MEPE: variants seen among roughly 807,000 people sequenced by gnomAD.
MEPE encodes the protein matrix, extracellular phosphoglycoprotein with ASARM motif (bone).
In MEPE, 7 loss-of-function variants were observed where a neutral mutation model predicts 7.3. The ratio of observed to expected loss-of-function variants is 0.95; its 90% CI spans 0.54 to 1.79. The LOEUF is 1.79. Among genes scored for constraint, MEPE ranks in the 40% most tolerant of loss-of-function variants. MEPE has a pLI of 0.00. For synonymous variants in MEPE, 214 were observed against 213.1 expected (o/e 1.00, Z -0.04); for missense variants, 623 against 628.2 (o/e 0.99, Z 0.09).
chr4:87,844,854 C>T, intron 3 of MEPE, 123 bp from the exon 4 acceptor site: 1 of 754,832 alleles, frequency 1.3e-6, no homozygotes, highest in Non-Finnish European at 2.0e-6. Context: ...CAGTAAACCT[C>T]TATTGAGTTA....
At chr4:87,831,882 A>G (rs187533350), upstream of MEPE, among the ~76,000 whole-genome samples, 93 of 152,164 alleles carry the variant, frequency 6.1e-4, no homozygotes, top group African/African-American at 2.2e-3. Flanking sequence ...AGACAGTCAT[A>G]TGGCTGCAGG....
chr4:87,841,404 T>C (rs1022557395), intron 3 of MEPE, among the ~76,000 whole-genome samples: 1 of 152,188 alleles, frequency 6.6e-6, no homozygotes. Context: ...TTTTTTCTTA[T>C]GGCAAAATCG....
upstream of MEPE, among the ~76,000 whole-genome samples, chr4:87,829,831 T>G (rs1722554855): frequency 6.6e-6 from 1 of 150,956 alleles, no homozygotes; most frequent in East Asian, 1.9e-4. Context: ...TGACTTCCAT[T>G]CCCTTGTTAG....
intron 1 of MEPE, among the ~76,000 whole-genome samples, chr4:87,833,893 T>A (rs954903704): frequency 4.6e-5 from 7 of 152,224 alleles, no homozygotes; most frequent in African/African-American, 1.7e-4. Flanking sequence ...GAATAGAAAG[T>A]TATTTAAGGT....
upstream of MEPE, among the ~76,000 whole-genome samples, chr4:87,832,094 G>GT (rs1284600584): frequency 6.6e-6 from 1 of 151,848 alleles, no homozygotes; most frequent in African/African-American, 2.4e-5. Context: ...GACAAATGCT[G>GT]TGTCTTCACA....
At chr4:87,828,270 T>G (rs1722520675), upstream of MEPE, among the ~76,000 whole-genome samples, 1 of 152,170 alleles carries the variant, frequency 6.6e-6, no homozygotes, top group Non-Finnish European at 1.5e-5. Context: ...TACTGTATAT[T>G]TGTAATGTAT....
At chr4:87,823,972 A>C (rs1432650777) in intron 1 of MEPE, among the ~76,000 whole-genome samples, 1 of 152,182 alleles carries the variant, frequency 6.6e-6, no homozygotes, top group East Asian at 1.9e-4. Flanking sequence ...TGAAGAATAA[A>C]GGTTCTCATG....
At chr4:87,841,023 T>G (rs1361869970) in intron 3 of MEPE, among the ~76,000 whole-genome samples, 1 of 152,338 alleles carries the variant, frequency 6.6e-6, no homozygotes, top group Non-Finnish European at 1.5e-5. Context: ...ATAGCCATCA[T>G]ATACCACAGG....
intron 2 of MEPE, among the ~76,000 whole-genome samples, chr4:87,837,354 C>CT (rs1446466115): frequency 1.3e-5 from 2 of 151,568 alleles, no homozygotes; most frequent in African/African-American, 4.9e-5. Context: ...CTCCTTCCCC[C>CT]CCTCCAGACT....
At chr4:87,840,251 T>C (rs1260281687) in intron 3 of MEPE, among the ~76,000 whole-genome samples, 1 of 152,334 alleles carries the variant, frequency 6.6e-6, no homozygotes, top group Admixed American at 6.5e-5. Context: ...TCCATCTGTG[T>C]TGGGTTGCTC....
chr4:87,822,256 G>C (rs987239578), intron 1 of MEPE, among the ~76,000 whole-genome samples: 1 of 152,136 alleles, frequency 6.6e-6, no homozygotes, highest in East Asian at 1.9e-4. Context: ...CTAGTGGGAA[G>C]CCCAATCACC....
intron 1 of MEPE, among the ~76,000 whole-genome samples, chr4:87,826,401 TTTTG>T (rs1722472385): frequency 1.3e-5 from 2 of 151,944 alleles, no homozygotes; most frequent in African/African-American, 4.8e-5. Flanking sequence ...TGTTTTTGTT[TTTTG>T]TTTTTGTTTT....
chr4:87,825,781 G>C (rs2109988289), intron 1 of MEPE, among the ~76,000 whole-genome samples: 1 of 152,242 alleles, frequency 6.6e-6, no homozygotes, highest in African/African-American at 2.4e-5. Flanking sequence ...GTGATTTACT[G>C]CACAGTACCT....
At chr4:87,834,533 C>T (rs1472608026) in intron 1 of MEPE, among the ~76,000 whole-genome samples, 170 bp from the exon 2 acceptor site, 3 of 152,036 alleles carry the variant, frequency 2.0e-5, no homozygotes, top group East Asian at 3.9e-4. Flanking sequence ...TTAAAATGTC[C>T]ACACTCGGGT....
chr4:87,835,688 T>C (rs926791336), intron 2 of MEPE, among the ~76,000 whole-genome samples: 1 of 152,000 alleles, frequency 6.6e-6, no homozygotes, highest in African/African-American at 2.4e-5. Context: ...TGCAGTACAG[T>C]ACTGTGGAGG....
intron 1 of MEPE, among the ~76,000 whole-genome samples, chr4:87,833,307 A>G (rs958978395): frequency 6.6e-6 from 1 of 152,168 alleles, no homozygotes. Flanking sequence ...CCTTCACTTA[A>G]CAAACTGCAA....
intron 2 of MEPE, chr4:87,837,914 G>A (rs1330342599): frequency 6.6e-6 from 1 of 152,116 alleles, no homozygotes; most frequent in Admixed American, 6.5e-5. Flanking sequence ...ACAAACTGCC[G>A]AGGTCTGTTC....
rs1722472619 is a variant in MEPE at position 87,826,405 on chromosome 4, GTTT to G, written c.-13+4937_-13+4939del. Among the ~76,000 whole-genome samples the G allele has an allele frequency of 4.0e-5, 6 of 149,852 alleles. No individual in the cohort carries two copies. The South Asian group carries it at 1.3e-3, about 32-fold the overall frequency. ...GTTTTTTTTTTTGTTTTTGTTTTTT[GTTT>G]TTGTTTTTTTTTGCTAGAGATGGGG... On this transcript the variant is annotated intron_variant, in intron 1 of 3. Transcript: ENST00000424957.
intron 3 of MEPE, among the ~76,000 whole-genome samples, chr4:87,842,161 T>C (rs1401905253): frequency 2.6e-5 from 4 of 152,236 alleles, no homozygotes; most frequent in Admixed American, 6.5e-5. Flanking sequence ...ATAGCACAGC[T>C]ACTCTCGTGA....
Sources: allele counts gnomAD v4.1 joint callset (sites outside exome capture counted in the v4.1 genomes callset), GRCh38; gene constraint gnomAD v4.1.1; transcripts MANE v1.5; gene names NCBI Gene and HGNC (gene_info 2026-07-23, HGNC 2026-07-21).